The following TAFA2 variants were observed in gnomAD, a reference collection of about 807,000 sequenced individuals.
TAFA2 encodes the protein chemokine-like protein TAFA-2.
TAFA2 carries 7 observed loss-of-function variants against 18.8 expected under a neutral mutation model. The ratio of observed to expected loss-of-function variants is 0.37; its 90% CI spans 0.21 to 0.70. The LOEUF (loss-of-function observed/expected upper bound fraction) is 0.70. TAFA2 is among the 30% of genes least tolerant of loss of function. The pLI, the probability that TAFA2 is intolerant of heterozygous loss-of-function variation, is 0.53. For missense variants in TAFA2, 122 were observed against 158.1 expected (o/e 0.77, Z 1.23); for synonymous variants, 60 against 54.2 (o/e 1.11, Z -0.47).
At chr12:62,104,670 A>G (rs1342058910) in intron 1 of TAFA2, 1 of 455,398 alleles carries the variant, frequency 2.2e-6, no homozygotes, top group African/African-American at 2.0e-5. Context: ...TATTTTCAAG[A>G]TAAGCAATAA....
intron 1 of TAFA2, among the ~76,000 whole-genome samples, chr12:62,073,879 A>G (rs1882696062): frequency 6.6e-6 from 1 of 152,200 alleles, no homozygotes; most frequent in Non-Finnish European, 1.5e-5. Context: ...AAGAGTAGGG[A>G]TTGTCTCCAG....
chr12:61,961,510 C>T (rs942277959), intron 1 of TAFA2, among the ~76,000 whole-genome samples: 1 of 151,692 alleles, frequency 6.6e-6, no homozygotes, highest in Non-Finnish European at 1.5e-5. Flanking sequence ...TGAAATAATG[C>T]CTCACATTCT....
chr12:61,882,411 G>T (rs893357281), intron 1 of TAFA2, among the ~76,000 whole-genome samples: 1 of 152,120 alleles, frequency 6.6e-6, no homozygotes, highest in African/African-American at 2.4e-5. Context: ...TCAGTTGATT[G>T]GGGGGAAAAT....
At chr12:61,926,227 A>T (rs1877285404) in intron 1 of TAFA2, among the ~76,000 whole-genome samples, 1 of 152,244 alleles carries the variant, frequency 6.6e-6, no homozygotes, top group Non-Finnish European at 1.5e-5. Context: ...ACAAAAGCCC[A>T]GGACCAGATG....
At chr12:62,074,165 A>AC (rs1327893302) in intron 1 of TAFA2, among the ~76,000 whole-genome samples, 1 of 152,246 alleles carries the variant, frequency 6.6e-6, no homozygotes, top group Admixed American at 6.5e-5. Flanking sequence ...GAACACACAC[A>AC]CACACGAGAA....
chr12:62,199,069 C>T (rs139049971), intron 1 of TAFA2, among the ~76,000 whole-genome samples: 89 of 152,292 alleles, frequency 5.8e-4, no homozygotes, highest in African/African-American at 2.0e-3. Flanking sequence ...TCATTCTTCC[C>T]GACTCGGTTG....
chr12:61,817,940 A>G (rs1412870040), intron 2 of TAFA2, among the ~76,000 whole-genome samples: 1 of 152,048 alleles, frequency 6.6e-6, no homozygotes, highest in Non-Finnish European at 1.5e-5. Context: ...CTATTCAGTT[A>G]CCTTCACTCC....
chr12:62,249,141 T>C (rs892270424), intron 1 of TAFA2, among the ~76,000 whole-genome samples: 3 of 152,022 alleles, frequency 2.0e-5, no homozygotes. Flanking sequence ...CATTGCACAA[T>C]GTGACCCTCA....
chr12:61,710,895 T>G (rs1187005724), intron 4 of TAFA2, among the ~76,000 whole-genome samples: 2 of 152,008 alleles, frequency 1.3e-5, no homozygotes, highest in African/African-American at 4.8e-5. Flanking sequence ...GTTTAAAAAT[T>G]GAGGGTTTAT....
At chr12:62,063,852 C>G (rs1882416172) in intron 1 of TAFA2, among the ~76,000 whole-genome samples, 2 of 107,048 alleles carry the variant, frequency 1.9e-5, no homozygotes, top group Admixed American at 2.0e-4. Flanking sequence ...GTAAGGGTGG[C>G]TGGACACACA....
At chr12:61,921,653 A>C (rs960373501) in intron 1 of TAFA2, among the ~76,000 whole-genome samples, 4 of 152,164 alleles carry the variant, frequency 2.6e-5, no homozygotes, top group African/African-American at 9.7e-5. Flanking sequence ...TTAATTCTGC[A>C]ATTAGAATTG....
chr12:62,042,629 A>C (rs2136761913), intron 1 of TAFA2, among the ~76,000 whole-genome samples: 1 of 152,218 alleles, frequency 6.6e-6, no homozygotes, highest in East Asian at 1.9e-4. Context: ...AAGTACTTGC[A>C]TGATATTACT....
intron 2 of TAFA2, among the ~76,000 whole-genome samples, chr12:61,860,031 T>A (rs907642681): frequency 2.6e-5 from 4 of 152,208 alleles, no homozygotes; most frequent in African/African-American, 9.6e-5. Context: ...TAAAACAGAA[T>A]CGCTAACTCA....
chr12:62,120,513 T>C (rs1000520186), intron 1 of TAFA2, among the ~76,000 whole-genome samples: 4 of 152,210 alleles, frequency 2.6e-5, no homozygotes, highest in African/African-American at 9.7e-5. Flanking sequence ...TACTAACATA[T>C]TTGATGAAGA....
At chr12:62,012,140 G>C (rs979721086) in intron 1 of TAFA2, among the ~76,000 whole-genome samples, 8 of 152,132 alleles carry the variant, frequency 5.3e-5, no homozygotes, top group African/African-American at 1.9e-4. Flanking sequence ...ATTCAGTGGA[G>C]ATTAAATAAA....
chr12:62,233,066 C>CTTTTT (rs34781688), intron 1 of TAFA2, among the ~76,000 whole-genome samples: 721 of 39,586 alleles, frequency 0.018, 209 homozygotes, highest in African/African-American at 0.029. Context: ...TTCTGCATCT[C>CTTTTT]TTTTTTTTTT....
intron 1 of TAFA2, among the ~76,000 whole-genome samples, chr12:62,065,854 C>T (rs1222491242): frequency 6.6e-6 from 1 of 151,882 alleles, no homozygotes; most frequent in African/African-American, 2.4e-5. Context: ...GTGGTTTTTA[C>T]TTGCATGTCA....
At chr12:62,011,868 T>G (rs1397008022) in intron 1 of TAFA2, among the ~76,000 whole-genome samples, 1 of 152,160 alleles carries the variant, frequency 6.6e-6, no homozygotes, top group Non-Finnish European at 1.5e-5. Context: ...AAACCTCAGT[T>G]TGCCTCATCT....
chr12:62,180,806 A>T (rs1429030486), intron 1 of TAFA2, among the ~76,000 whole-genome samples: 1 of 152,228 alleles, frequency 6.6e-6, no homozygotes, highest in Non-Finnish European at 1.5e-5. Flanking sequence ...GTTAACAAAA[A>T]AAAAGCAAAT....
Sources: allele counts gnomAD v4.1 joint callset (sites outside exome capture counted in the v4.1 genomes callset), GRCh38; gene constraint gnomAD v4.1.1; transcripts MANE v1.5; gene names NCBI Gene and HGNC (gene_info 2026-07-23, HGNC 2026-07-21).